The following SHB variants were observed in gnomAD, a reference collection of about 807,000 sequenced individuals.
SHB encodes the protein SH2 domain containing adaptor protein B.
Under a neutral mutation model 52.3 loss-of-function variants are expected in SHB, and 20 were observed. The observed-to-expected ratio is 0.38, with a 90% CI of 0.27 to 0.56. The LOEUF is 0.56. Among genes scored for constraint, SHB ranks in the 20% least tolerant of loss-of-function variants. SHB has a pLI of 0.71. For missense variants in SHB, 825 were observed against 723.3 expected (o/e 1.14, Z -1.61); for synonymous variants, 397 against 316.5 (o/e 1.25, Z -2.70).
intron 1 of SHB, among the ~76,000 whole-genome samples, chr9:38,028,128 C>T (rs1223906584): frequency 6.6e-6 from 1 of 152,046 alleles, no homozygotes; most frequent in Non-Finnish European, 1.5e-5. Flanking sequence ...CCTCCCCTCC[C>T]AAAGCCCAAG....
intron 1 of SHB, among the ~76,000 whole-genome samples, chr9:38,051,498 G>T (rs751620002): frequency 8.6e-5 from 13 of 150,522 alleles, no homozygotes; most frequent in Non-Finnish European, 1.5e-4. Flanking sequence ...AAGTAGGCGA[G>T]ACCTCAAAGC....
chr9:37,919,944 A>T lies in SHB; in HGVS notation c.1407T>A (p.Gly469=), dbSNP rs1376782467. ...CACTGTCGAACGGAGGGCTGTTCTG[A>T]CCCAGAACGTATTTCTCTTTGGTTT... ...LAKTKEKYVL[G]QNSPPFDSVP... The change falls in exon 6 of 6, where the codon GGT becomes GGA. Residue 469 remains glycine, a synonymous_variant. Coordinates refer to ENST00000377707, the MANE Select transcript of SHB (RefSeq NM_003028.3). 2 of 1,613,822 alleles carry T rather than the reference A, an allele frequency of 1.2e-6. No homozygotes were observed. The highest frequency in any genetic ancestry group is 2.7e-5 in the African/African-American group (2 of 74,882).
At chr9:37,923,891 G>A (rs1176696341) in intron 5 of SHB, among the ~76,000 whole-genome samples, 1 of 152,188 alleles carries the variant, frequency 6.6e-6, no homozygotes, top group African/African-American at 2.4e-5. Flanking sequence ...CCCCGGCCCC[G>A]CATCCCGAGC....
intron 5 of SHB, among the ~76,000 whole-genome samples, chr9:37,946,567 C>T (rs1832493647): frequency 6.6e-6 from 1 of 152,204 alleles, no homozygotes; most frequent in Admixed American, 6.5e-5. Context: ...GGAGTCACCA[C>T]AGGGCCCCAG....
intron 5 of SHB, among the ~76,000 whole-genome samples, chr9:37,930,858 G>A (rs1832304378): frequency 6.6e-6 from 1 of 152,142 alleles, no homozygotes; most frequent in Non-Finnish European, 1.5e-5. Flanking sequence ...TTCCTGATTT[G>A]AAATTATATT....
At chr9:37,991,888 G>C (rs1052414119) in intron 2 of SHB, among the ~76,000 whole-genome samples, 1 of 152,204 alleles carries the variant, frequency 6.6e-6, no homozygotes, top group African/African-American at 2.4e-5. Flanking sequence ...CCTCACTGAG[G>C]GATCTGAAGG....
At chr9:37,977,563 G>A (rs760341658) in intron 2 of SHB, among the ~76,000 whole-genome samples, 1 of 152,088 alleles carries the variant, frequency 6.6e-6, no homozygotes, top group South Asian at 2.1e-4. Flanking sequence ...TTTTTTTACC[G>A]AGGGAGGAAC....
intron 3 of SHB, among the ~76,000 whole-genome samples, chr9:37,963,401 C>T (rs893450759): frequency 3.9e-5 from 6 of 152,090 alleles, no homozygotes; most frequent in South Asian, 4.2e-4. Flanking sequence ...AGCTCTCAAC[C>T]GCCACAGGCT....
At position 37,971,971 on chromosome 9, in the gene SHB, T is replaced by C. The variant is rs1049757656; in HGVS notation, c.1054+2651A>G. On this transcript the variant is annotated intron_variant, in intron 3 of 5. Transcript: ENST00000377707. ...TCTTGTTAAAACAGATTCTGACTCA[T>C]AGGCCTGGGATGGGACCTGAGACCC... is the stretch of plus-strand genomic sequence containing the variant. Among the ~76,000 whole-genome samples the C allele has an allele frequency of 5.9e-5, 9 of 152,308 alleles. No individual in the cohort carries two copies. In the South Asian group the frequency reaches 1.7e-3, roughly 28 times the overall value.
chr9:38,068,002 C>T lies in SHB; in HGVS notation c.644G>A (p.Cys215Tyr). Residue 215 changes from cysteine (C) to tyrosine (Y), a missense_variant, in exon 1 of 6, where the codon TGC becomes TAC. Physicochemically the swap from Cys to Tyr is radical, Grantham distance 194 (BLOSUM62 -2). Coordinates refer to ENST00000377707, the MANE Select transcript of SHB (RefSeq NM_003028.3). Reference protein sequence around the residue: ...AGGRTWSPTACGGKKLLNKCA... With the variant: ...AGGRTWSPTAYGGKKLLNKCA... ...CTTGTTGAGCAGTTTCTTGCCTCCG[C>T]AGGCCGTCGGGCTCCAGGTGCGGCC... 2.0e-6 allele frequency: 3 copies of T among 1,531,036 alleles called. No individual in the cohort carries two copies. Among genetic ancestry groups the T allele is most frequent in the African/African-American group, 1.4e-5 (1 of 70,844 alleles). 94.8% of individuals were successfully genotyped at this position (1,531,036 alleles called of 1,614,324 possible). A position where few individuals can be genotyped will look rare whatever the true frequency, so the allele number is the denominator to read the frequency against.
rs1323700491 is a variant in SHB, at chr9:37,919,771, G to A, written c.*50C>T. ...TGGGCTGGTTGGTGGGGGGCCTCTG[G>A]CACCTCCAAGTCTCAGGCTCTGTCA... On this transcript the variant is annotated 3_prime_UTR_variant, in exon 6 of 6. Coordinates refer to ENST00000377707, the MANE Select transcript of SHB (RefSeq NM_003028.3). The A allele has an allele frequency of 2.6e-6, 4 of 1,513,592 alleles. No individual in the cohort carries two copies. In the African/African-American group the frequency reaches 5.5e-5, roughly 21 times the overall value. 93.8% of individuals were successfully genotyped at this position (1,513,592 alleles called of 1,614,324 possible). A position where few individuals can be genotyped will look rare whatever the true frequency, so the allele number is the denominator to read the frequency against.
At chr9:38,039,698 C>T (rs911000629) in intron 1 of SHB, among the ~76,000 whole-genome samples, 2 of 152,270 alleles carry the variant, frequency 1.3e-5, no homozygotes, top group African/African-American at 4.8e-5. Context: ...CATCCGGAAA[C>T]AGCCCTGATA....
At chr9:37,961,733 G>A (rs377004754) in intron 3 of SHB, among the ~76,000 whole-genome samples, 2 of 152,208 alleles carry the variant, frequency 1.3e-5, no homozygotes, top group Non-Finnish European at 2.9e-5. Flanking sequence ...CAGCTCCAAC[G>A]TTATCTCCTG....
intron 2 of SHB, among the ~76,000 whole-genome samples, chr9:37,998,236 T>C (rs1006596983): frequency 8.7e-6 from 1 of 114,780 alleles, no homozygotes; most frequent in African/African-American, 3.1e-5. Context: ...AGGGAAGCAC[T>C]AGGGCCAGGG....
chr9:37,971,995 C>T (rs1473064890), intron 3 of SHB, among the ~76,000 whole-genome samples: 1 of 152,064 alleles, frequency 6.6e-6, no homozygotes, highest in East Asian at 1.9e-4. Context: ...GACCTGAGAC[C>T]CTGCATTTCT....
intron 1 of SHB, among the ~76,000 whole-genome samples, chr9:38,035,787 T>C (rs1373447134): frequency 1.3e-5 from 2 of 152,154 alleles, no homozygotes; most frequent in African/African-American, 2.4e-5. Flanking sequence ...ATTCTCAACA[T>C]AGCTGCACAT....
At chr9:37,922,578 C>T (rs1235346926) in intron 5 of SHB, among the ~76,000 whole-genome samples, 4 of 152,182 alleles carry the variant, frequency 2.6e-5, no homozygotes, top group East Asian at 1.9e-4. Context: ...TAAGCACCCA[C>T]GAGTTTACCA....
At chr9:37,992,513 C>A (rs1190500035) in intron 2 of SHB, among the ~76,000 whole-genome samples, 1 of 152,076 alleles carries the variant, frequency 6.6e-6, no homozygotes, top group Non-Finnish European at 1.5e-5. Flanking sequence ...TGCTCAAGTA[C>A]CACTAGGCTA....
intron 1 of SHB, among the ~76,000 whole-genome samples, chr9:38,021,469 A>G (rs1349192575): frequency 6.6e-6 from 1 of 152,034 alleles, no homozygotes; most frequent in Admixed American, 6.6e-5. Flanking sequence ...TTCAAGACCA[A>G]GCCTATCCAA....
Sources: gnomAD v4.1 joint callset for allele counts (sites outside exome capture counted in the v4.1 genomes callset) on GRCh38, gnomAD v4.1.1 for gene constraint, MANE v1.5 for transcripts, NCBI Gene and HGNC (gene_info 2026-07-23, HGNC 2026-07-21) for gene names.